CBLB: variants seen among roughly 807,000 people sequenced by gnomAD.
The protein encoded by CBLB is Cbl proto-oncogene B, also known as E3 ubiquitin-protein ligase CBL-B.
In CBLB, 31 loss-of-function variants were observed where a neutral mutation model predicts 104.9. The observed-to-expected ratio is 0.30, with a 90% CI of 0.22 to 0.40. The LOEUF (loss-of-function observed/expected upper bound fraction) is 0.40. Ranked by LOEUF, CBLB falls within the 10% of genes least tolerant of loss-of-function variation. The pLI is 1.00. For synonymous variants in CBLB, 440 were observed against 422.6 expected (o/e 1.04, Z -0.51); for missense variants, 1,062 against 1,214.6 (o/e 0.87, Z 1.87).
At chr3:105,864,540 C>T (rs2092312932) in intron 2 of CBLB, among the ~76,000 whole-genome samples, 1 of 152,140 alleles carries the variant, frequency 6.6e-6, no homozygotes, top group African/African-American at 2.4e-5. Flanking sequence ...AGAGCTAAGG[C>T]CAGAAAATCT....
chr3:105,755,016 C>CTTT (rs67405809), intron 4 of CBLB, among the ~76,000 whole-genome samples: 32 of 143,874 alleles, frequency 2.2e-4, no homozygotes, highest in East Asian at 2.2e-3. Flanking sequence ...AGTATCTTTT[C>CTTT]TTTTTTTTTT....
chr3:105,785,374 A>C (rs1483690280), intron 3 of CBLB, among the ~76,000 whole-genome samples: 1 of 152,218 alleles, frequency 6.6e-6, no homozygotes, highest in Non-Finnish European at 1.5e-5. Flanking sequence ...TTTCAATTAG[A>C]AAAATATCTT....
At chr3:105,774,452 T>A (rs534894150) in intron 4 of CBLB, among the ~76,000 whole-genome samples, 1 of 152,232 alleles carries the variant, frequency 6.6e-6, no homozygotes, top group Admixed American at 6.5e-5. Flanking sequence ...TGCATATAAG[T>A]TCCAAAAGGA....
intron 3 of CBLB, among the ~76,000 whole-genome samples, chr3:105,778,963 G>A (rs1039742343): frequency 6.6e-6 from 1 of 152,126 alleles, no homozygotes; most frequent in African/African-American, 2.4e-5. Context: ...AAAGTATAAA[G>A]TCACCTTAGG....
chr3:105,684,395 T>C (rs2066734117), intron 14 of CBLB, among the ~76,000 whole-genome samples: 1 of 152,224 alleles, frequency 6.6e-6, no homozygotes, highest in Non-Finnish European at 1.5e-5. Context: ...TGCAGACTCA[T>C]GCCTTTACTT....
At chr3:105,748,633 G>A (rs903749596) in intron 5 of CBLB, among the ~76,000 whole-genome samples, 2 of 152,160 alleles carry the variant, frequency 1.3e-5, no homozygotes, top group African/African-American at 4.8e-5. Flanking sequence ...GACTTTGAGA[G>A]AAAAGAGAAG....
intron 3 of CBLB, among the ~76,000 whole-genome samples, chr3:105,826,944 C>G (rs1323632507): frequency 6.6e-6 from 1 of 152,114 alleles, no homozygotes; most frequent in Non-Finnish European, 1.5e-5. Context: ...TGGTTTTCTT[C>G]AAAATGCAAG....
At chr3:105,799,585 T>C (rs2082614865) in intron 3 of CBLB, among the ~76,000 whole-genome samples, 1 of 151,578 alleles carries the variant, frequency 6.6e-6, no homozygotes, top group Admixed American at 6.6e-5. Flanking sequence ...TAAGATTACA[T>C]ACAAGTGATT....
intron 13 of CBLB, among the ~76,000 whole-genome samples, chr3:105,691,850 C>T (rs3821488): frequency 0.22 from 33,498 of 152,034 alleles, 3,814 homozygotes; most frequent in Admixed American, 0.26. Context: ...TTTTTTCTCA[C>T]ATTCTGCCTT....
chr3:105,781,184 A>T (rs1222868379), intron 3 of CBLB, among the ~76,000 whole-genome samples: 1 of 152,156 alleles, frequency 6.6e-6, no homozygotes, highest in African/African-American at 2.4e-5. Context: ...GTACCTCTTC[A>T]TCCTGGATTC....
chr3:105,855,502 C>T (rs1476077232), intron 2 of CBLB, among the ~76,000 whole-genome samples: 1 of 152,164 alleles, frequency 6.6e-6, no homozygotes, highest in Non-Finnish European at 1.5e-5. Flanking sequence ...ATCAAAGCAT[C>T]ATGTTATACA....
intron 3 of CBLB, among the ~76,000 whole-genome samples, chr3:105,835,757 T>C (rs1172347083): frequency 6.6e-6 from 1 of 152,168 alleles, no homozygotes; most frequent in African/African-American, 2.4e-5. Flanking sequence ...GTACAGCAAA[T>C]AAAGTCCTGC....
At chr3:105,763,337 G>C (rs2077856297) in intron 4 of CBLB, among the ~76,000 whole-genome samples, 1 of 152,152 alleles carries the variant, frequency 6.6e-6, no homozygotes, top group South Asian at 2.1e-4. Flanking sequence ...ATGAGATATG[G>C]GAGGGGCCAG....
At chr3:105,776,336 G>C in intron 4 of CBLB, 60 bp downstream of exon 4, 1 of 1,417,852 alleles carries the variant, frequency 7.1e-7, no homozygotes, top group Non-Finnish European at 1.0e-6. Context: ...TCCAACTGGA[G>C]GGAGGATACA....
At position 105,865,448 on chromosome 3, in the gene CBLB, G is replaced by C. The variant is rs527643232; in HGVS notation, c.168+1962C>G. ...ACCCGCACCCACATCCCACTAAGTA[G>C]AGACTTTTGATAATAGATTTCCTTG... On this transcript the variant is annotated intron_variant, in intron 2 of 18. Transcript: ENST00000394030. Among the ~76,000 whole-genome samples, 174 of 152,204 alleles carry C rather than the reference G, an allele frequency of 1.1e-3. 1 individual carries two copies. The highest frequency in any genetic ancestry group is 2.2e-3 in the Non-Finnish European group (149 of 67,994).
intron 2 of CBLB, among the ~76,000 whole-genome samples, chr3:105,854,821 C>T (rs1418204629): frequency 6.6e-6 from 1 of 151,852 alleles, no homozygotes; most frequent in African/African-American, 2.4e-5. Context: ...TTAGTAGAGA[C>T]GGGATTTCAC....
At chr3:105,741,333 C>T (rs1199686334) in intron 6 of CBLB, among the ~76,000 whole-genome samples, 1 of 149,650 alleles carries the variant, frequency 6.7e-6, no homozygotes, top group Non-Finnish European at 1.5e-5. Flanking sequence ...GGACTACAGG[C>T]GTGTGCCACG....
Position 105,745,928 on chromosome 3 carries a change from G to A in CBLB, c.834C>T (p.Thr278=), listed in dbSNP as rs1482993822. 1.9e-6 allele frequency: 3 copies of A among 1,611,422 alleles called. No individual in the cohort carries two copies. The highest frequency in any genetic ancestry group is 2.5e-6 in the Non-Finnish European group (3 of 1,177,816). The change falls in exon 6 of 19, where the codon ACC becomes ACT. Residue 278 remains threonine, a synonymous_variant. Transcript: ENST00000394030. ...CTAAAAAGTCTTACCTTCCGGGTTT[G>A]GTGCTATATTTCTGTAGTCGTGCTT... ...EVKARLQKYS[T]KPGSYIFRLS...
intron 9 of CBLB, among the ~76,000 whole-genome samples, 199 bp downstream of exon 9, chr3:105,733,810 T>C (rs2074602873): frequency 6.6e-6 from 1 of 152,142 alleles, no homozygotes; most frequent in Non-Finnish European, 1.5e-5. Context: ...ACTAATATAA[T>C]AAAATTTATA....
Sources: allele counts gnomAD v4.1 joint callset (sites outside exome capture counted in the v4.1 genomes callset), GRCh38; gene constraint gnomAD v4.1.1; transcripts MANE v1.5; gene names NCBI Gene and HGNC (gene_info 2026-07-23, HGNC 2026-07-21).